R3HCC1L: variants seen among roughly 807,000 people sequenced by gnomAD.
R3HCC1L encodes the protein coiled-coil domain-containing protein R3HCC1L.
In R3HCC1L, 51 loss-of-function variants were observed where a neutral mutation model predicts 59.9. The observed-to-expected ratio is 0.85, with a 90% CI of 0.68 to 1.07. R3HCC1L has a LOEUF of 1.07. Among genes scored for constraint, R3HCC1L ranks in the 50% least tolerant of loss-of-function variants. The pLI is 0.00. For missense variants in R3HCC1L, 965 were observed against 933.0 expected (o/e 1.03, Z -0.45); for synonymous variants, 322 against 315.2 (o/e 1.02, Z -0.23).
intron 4 of R3HCC1L, among the ~76,000 whole-genome samples, chr10:98,191,030 CAT>C (rs1342344981): frequency 1.3e-5 from 2 of 152,252 alleles, no homozygotes; most frequent in African/African-American, 4.8e-5. Context: ...ATATGTGCCA[CAT>C]GTCCTTAATC....
chr10:98,169,068 G>A (rs561774164), intron 4 of R3HCC1L, among the ~76,000 whole-genome samples: 1 of 152,296 alleles, frequency 6.6e-6, no homozygotes, highest in South Asian at 2.1e-4. Flanking sequence ...GTGAATTATT[G>A]TCAGCCTTTT....
At chr10:98,192,531 C>T (rs1361072602) in intron 4 of R3HCC1L, among the ~76,000 whole-genome samples, 1 of 152,148 alleles carries the variant, frequency 6.6e-6, no homozygotes, top group Admixed American at 6.5e-5. Context: ...TATACGCCAA[C>T]ATATTGGCTA....
At chr10:98,226,185 G>A (rs1590798133) in intron 5 of R3HCC1L, among the ~76,000 whole-genome samples, 1 of 152,244 alleles carries the variant, frequency 6.6e-6, no homozygotes, top group South Asian at 2.1e-4. Context: ...TTTGTGATTT[G>A]CATTGTATCT....
At position 98,231,531 on chromosome 10, in the gene R3HCC1L, G is replaced by A. The variant is rs1014692133; in HGVS notation, c.1805G>A (p.Ser602Asn). ...TTCTAGTTATCAGGGAATACCAAGA[G>A]CAGAGAGAGCATCCAGGAACCTAGA... ...LLQELSGNTK[S>N]RESIQEPRSD... Residue 602 changes from serine (S) to asparagine (N), a missense_variant, in exon 6 of 10, where the codon AGC becomes AAC. Transcript: ENST00000298999. 3 of 1,612,666 alleles carry A rather than the reference G, an allele frequency of 1.9e-6. No individual in the cohort carries two copies. Among genetic ancestry groups the A allele is most frequent in the Non-Finnish European group, 2.5e-6 (3 of 1,179,596 alleles).
chr10:98,144,418 G>A (rs910315927), intron 1 of R3HCC1L, among the ~76,000 whole-genome samples: 6 of 152,074 alleles, frequency 3.9e-5, no homozygotes, highest in African/African-American at 1.4e-4. Context: ...GTTTCACCAT[G>A]TTGGCCAGGC....
chr10:98,151,840 C>G (rs889956710), intron 1 of R3HCC1L, among the ~76,000 whole-genome samples: 3 of 152,156 alleles, frequency 2.0e-5, no homozygotes, highest in African/African-American at 7.2e-5. Flanking sequence ...GATTTAGTTG[C>G]AACCAAGTAC....
At chr10:98,231,045 TA>T in intron 5 of R3HCC1L, 1 of 423,464 alleles carries the variant, frequency 2.4e-6, no homozygotes, top group Admixed American at 2.9e-5. Flanking sequence ...AAAAGTGAAG[TA>T]AAAAAGTTTT....
intron 5 of R3HCC1L, among the ~76,000 whole-genome samples, chr10:98,224,201 T>C (rs1371870139): frequency 6.6e-6 from 1 of 152,032 alleles, no homozygotes; most frequent in Non-Finnish European, 1.5e-5. Flanking sequence ...TGCTTTCAGG[T>C]TCCCCTCATG....
At chr10:98,138,117 T>C (rs1844771720) in intron 1 of R3HCC1L, among the ~76,000 whole-genome samples, 1 of 152,238 alleles carries the variant, frequency 6.6e-6, no homozygotes, top group Non-Finnish European at 1.5e-5. Context: ...TCTTGGAGTT[T>C]AGAATTGAAG....
At chr10:98,230,939 C>T (rs1590818313) in intron 5 of R3HCC1L, 2 of 289,428 alleles carry the variant, frequency 6.9e-6, no homozygotes, top group East Asian at 1.7e-4. Context: ...AGGTAGGTCT[C>T]ATGCTAAGGA....
At chr10:98,177,601 G>A (rs1018635888) in intron 4 of R3HCC1L, among the ~76,000 whole-genome samples, 2 of 152,104 alleles carry the variant, frequency 1.3e-5, no homozygotes, top group African/African-American at 2.4e-5. Flanking sequence ...TTGAGGAGTC[G>A]CCACACTGTC....
In R3HCC1L at chr10:98,208,890, C is replaced by G; in HGVS notation, c.776C>G (p.Pro259Arg). 1 of 1,614,076 alleles carries G rather than the reference C, an allele frequency of 6.2e-7. No homozygotes were observed. The highest frequency in any genetic ancestry group is 8.5e-7 in the Non-Finnish European group (1 of 1,180,016). The change falls in exon 5 of 10, where the codon CCC (proline) becomes CGC (arginine). Residue 259 changes from proline to arginine, a missense_variant. Transcript: ENST00000298999. ...CAAACATCAGATGGAATATTGAATC[C>G]CAGCAGCGGAGGCATCACCACTACT... ...SMQTSDGILN[P>R]SSGGITTTSV...
rs546121550 is a variant in R3HCC1L at position 98,190,879 on chromosome 10, T to C, written c.-14-17222T>C. Among the ~76,000 whole-genome samples, 3 of 146,186 alleles carry C rather than the reference T, an allele frequency of 2.1e-5. No individual in the cohort carries two copies. In the East Asian group the frequency reaches 6.5e-4, roughly 32 times the overall value. On this transcript the variant is annotated intron_variant, in intron 4 of 9. Coordinates refer to ENST00000298999, the MANE Select transcript of R3HCC1L (RefSeq NM_001351015.2). ...CCAAGTGATCTCATTGTTCAGTTCC[T>C]ACCTATGAGTGAGAACATGTGGTGT...
intron 4 of R3HCC1L, chr10:98,174,784 A>T: frequency 1.0e-6 from 1 of 975,918 alleles, no homozygotes; most frequent in Non-Finnish European, 1.2e-6. Context: ...TAGTTTATAT[A>T]TTGTATGCTC....
At chr10:98,228,484 A>G (rs542741105) in intron 5 of R3HCC1L, among the ~76,000 whole-genome samples, 2 of 152,204 alleles carry the variant, frequency 1.3e-5, no homozygotes, top group African/African-American at 4.8e-5. Flanking sequence ...GATATTACTC[A>G]TCTTTGTCAG....
Position 98,235,490 on chromosome 10 carries a change from G to T in R3HCC1L, c.2098G>T (p.Ala700Ser), listed in dbSNP as rs35145638. 3,587 of 1,613,526 alleles carry T rather than the reference G, an allele frequency of 2.2e-3. 73 individuals are homozygous for T. In the African/African-American group the frequency reaches 0.042, roughly 19 times the overall value. Residue 700 changes from alanine (A) to serine (S), a missense_variant, in exon 8 of 10, where the codon GCA (alanine) becomes TCA (serine). By Grantham distance (99) the Ala-to-Ser change is moderately conservative (BLOSUM62 1). Coordinates refer to ENST00000298999, the MANE Select transcript of R3HCC1L (RefSeq NM_001351015.2). ...KIRPLSQATRAAKAKARAYAE... is the reference protein window; with the variant it reads ...KIRPLSQATRSAKAKARAYAE... ...TCGTCCCTTGTCACAGGCCACAAGA[G>T]CAGCCAAGGCCAAAGCTAGAGCTTA...
chr10:98,173,574 G>A (rs1410075308), intron 4 of R3HCC1L, among the ~76,000 whole-genome samples: 1 of 152,116 alleles, frequency 6.6e-6, no homozygotes, highest in East Asian at 1.9e-4. Flanking sequence ...AATGGGCCCA[G>A]GGGCTGTCCA....
At chr10:98,179,417 A>G (rs879862857) in intron 4 of R3HCC1L, among the ~76,000 whole-genome samples, 12 of 151,500 alleles carry the variant, frequency 7.9e-5, no homozygotes, top group Admixed American at 7.9e-4. Flanking sequence ...TGAAGCCAGC[A>G]TGGTCTTGGT....
chr10:98,146,605 C>T (rs1361022825), intron 1 of R3HCC1L, among the ~76,000 whole-genome samples: 4 of 152,152 alleles, frequency 2.6e-5, no homozygotes, highest in Non-Finnish European at 4.4e-5. Context: ...AACACAATGA[C>T]CTCTAGTTCC....
Sources: allele counts gnomAD v4.1 joint callset (sites outside exome capture counted in the v4.1 genomes callset), GRCh38; gene constraint gnomAD v4.1.1; transcripts MANE v1.5; gene names NCBI Gene and HGNC (gene_info 2026-07-23, HGNC 2026-07-21).